Variants in TRPS1 observed in about 807,000 individuals in gnomAD.
TRPS1 encodes transcriptional repressor GATA binding 1.
In TRPS1, 6 loss-of-function variants were observed where a neutral mutation model predicts 101.2. That is an observed-to-expected ratio of 0.06 (90% CI 0.03 to 0.12). The LOEUF (loss-of-function observed/expected upper bound fraction) is 0.12. TRPS1 is among the 10% of genes least tolerant of loss of function. The pLI, the probability that TRPS1 is intolerant of heterozygous loss-of-function variation, is 1.00. For synonymous variants in TRPS1, 578 were observed against 589.8 expected (o/e 0.98, Z 0.29); for missense variants, 1,363 against 1,567.0 (o/e 0.87, Z 2.20).
chr8:115,605,660 C>A (rs1467618835), intron 3 of TRPS1, among the ~76,000 whole-genome samples: 2 of 152,092 alleles, frequency 1.3e-5, no homozygotes, highest in East Asian at 3.8e-4. Flanking sequence ...GTTTCCCCAT[C>A]TAGAACAAAC....
At chr8:115,570,711 A>T (rs1322660548) in intron 5 of TRPS1, among the ~76,000 whole-genome samples, 1 of 137,160 alleles carries the variant, frequency 7.3e-6, no homozygotes, top group African/African-American at 2.8e-5. Context: ...ACACACACAC[A>T]CACACACACT....
intron 5 of TRPS1, among the ~76,000 whole-genome samples, chr8:115,561,840 A>C (rs1028193242): frequency 6.6e-6 from 1 of 152,108 alleles, no homozygotes; most frequent in African/African-American, 2.4e-5. Context: ...CATCTAAAAA[A>C]AAAAGAACAC....
At chr8:115,583,574 C>G (rs903120426) in intron 5 of TRPS1, among the ~76,000 whole-genome samples, 4 of 151,960 alleles carry the variant, frequency 2.6e-5, no homozygotes, top group Non-Finnish European at 4.4e-5. Flanking sequence ...TAGACTATTT[C>G]TAGCAAAGAT....
intron 5 of TRPS1, among the ~76,000 whole-genome samples, chr8:115,467,226 T>C (rs1814344326): frequency 6.6e-6 from 1 of 152,160 alleles, no homozygotes; most frequent in Admixed American, 6.6e-5. Context: ...TACTTGATTC[T>C]GTCATATGAA....
chr8:115,480,400 T>C (rs1027996721), intron 5 of TRPS1, among the ~76,000 whole-genome samples: 1 of 152,094 alleles, frequency 6.6e-6, no homozygotes, highest in Non-Finnish European at 1.5e-5. Flanking sequence ...TACTCTTTTA[T>C]TATAGAGTTT....
intron 1 of TRPS1, among the ~76,000 whole-genome samples, chr8:115,666,349 A>G (rs1811921479): frequency 6.6e-6 from 1 of 152,068 alleles, no homozygotes; most frequent in Non-Finnish European, 1.5e-5. Flanking sequence ...CAGAACTTAC[A>G]GGAAACGCTT....
intron 1 of TRPS1, among the ~76,000 whole-genome samples, chr8:115,634,589 G>A (rs1818724268): frequency 6.6e-6 from 1 of 151,982 alleles, no homozygotes; most frequent in African/African-American, 2.4e-5. Context: ...GGTATCTGGT[G>A]GTATTATCAC....
intron 5 of TRPS1, among the ~76,000 whole-genome samples, chr8:115,428,659 T>A (rs1813246224): frequency 6.6e-6 from 1 of 152,202 alleles, no homozygotes. Context: ...GATTAAATAC[T>A]TCACAGACTA....
chr8:115,499,424 C>A (rs537112259), intron 5 of TRPS1, among the ~76,000 whole-genome samples: 1 of 152,160 alleles, frequency 6.6e-6, no homozygotes, highest in Non-Finnish European at 1.5e-5. Flanking sequence ...CTTTACTGGG[C>A]TCCTCTTTCC....
At chr8:115,436,609 T>A (rs144654556) in intron 5 of TRPS1, among the ~76,000 whole-genome samples, 2 of 152,302 alleles carry the variant, frequency 1.3e-5, no homozygotes, top group East Asian at 3.9e-4. Context: ...CAAGAGATCC[T>A]CCTGCCTCAG....
chr8:115,560,914 G>A (rs1478061445), intron 5 of TRPS1, among the ~76,000 whole-genome samples: 1 of 152,064 alleles, frequency 6.6e-6, no homozygotes, highest in Non-Finnish European at 1.5e-5. Context: ...AACAATAAAA[G>A]TCTAACTCTG....
intron 5 of TRPS1, among the ~76,000 whole-genome samples, chr8:115,579,850 G>A (rs1817402320): frequency 6.6e-6 from 1 of 152,018 alleles, no homozygotes; most frequent in Admixed American, 6.6e-5. Flanking sequence ...GTGAGAGGGA[G>A]GCATTTAATC....
intron 5 of TRPS1, among the ~76,000 whole-genome samples, chr8:115,485,724 T>C (rs1333786388): frequency 6.6e-6 from 1 of 152,196 alleles, no homozygotes; most frequent in African/African-American, 2.4e-5. Flanking sequence ...TAGGAAACGG[T>C]TCTTTGAAAA....
chr8:115,648,288 GGGA>G (rs1811468513), intron 1 of TRPS1, among the ~76,000 whole-genome samples: 1 of 151,930 alleles, frequency 6.6e-6, no homozygotes, highest in South Asian at 2.1e-4. Context: ...GCGCTGGAGA[GGGA>G]GGAGGAGAGG....
intron 5 of TRPS1, among the ~76,000 whole-genome samples, chr8:115,492,400 C>T (rs570593287): frequency 6.6e-6 from 1 of 151,890 alleles, no homozygotes; most frequent in East Asian, 1.9e-4. Context: ...AAATAGGGAG[C>T]CACCAAAAGT....
At chr8:115,469,725 C>T (rs947438902) in intron 5 of TRPS1, among the ~76,000 whole-genome samples, 4 of 152,122 alleles carry the variant, frequency 2.6e-5, no homozygotes, top group African/African-American at 9.7e-5. Flanking sequence ...GACGGGGTTT[C>T]ACCATGTTGG....
At chr8:115,516,333 A>G (rs930804559) in intron 5 of TRPS1, among the ~76,000 whole-genome samples, 1 of 151,438 alleles carries the variant, frequency 6.6e-6, no homozygotes, top group Non-Finnish European at 1.5e-5. Context: ...TACATTTTAT[A>G]TTGTTATATA....
At chr8:115,543,829 G>C (rs766874031) in intron 5 of TRPS1, among the ~76,000 whole-genome samples, 15 of 146,306 alleles carry the variant, frequency 1.0e-4, no homozygotes, top group Admixed American at 2.8e-4. Context: ...TCTTTGATTT[G>C]TCCTGACAAA....
chr8:115,428,820 T>A (rs1236682008), intron 5 of TRPS1, among the ~76,000 whole-genome samples: 1 of 152,198 alleles, frequency 6.6e-6, no homozygotes, highest in Non-Finnish European at 1.5e-5. Context: ...TTTAATTCAA[T>A]TTTGTATGTC....
Sources: allele counts gnomAD v4.1 joint callset (sites outside exome capture counted in the v4.1 genomes callset), GRCh38; gene constraint gnomAD v4.1.1; transcripts MANE v1.5; gene names NCBI Gene and HGNC (gene_info 2026-07-23, HGNC 2026-07-21).